SPPL2B: variants seen among roughly 807,000 people sequenced by gnomAD.
SPPL2B encodes the protein signal peptide peptidase-like 2B.
A neutral mutation model predicts 59.7 loss-of-function variants in SPPL2B; 39 were observed. The observed-to-expected ratio is 0.65, with a 90% CI of 0.51 to 0.85. The LOEUF (loss-of-function observed/expected upper bound fraction) is 0.85, where lower values mean the gene tolerates loss of function less well. Ranked by LOEUF, SPPL2B falls within the 40% of genes least tolerant of loss-of-function variation. The probability of loss-of-function intolerance (pLI) is 0.00; values close to 1 mark genes in which losing one functional copy is unlikely to be tolerated. For synonymous variants in SPPL2B, 419 were observed against 370.8 expected (o/e 1.13, Z -1.49); for missense variants, 865 against 849.0 (o/e 1.02, Z -0.23).
Position 2,352,958 on chromosome 19 carries a change from C to G in SPPL2B, c.1528C>G (p.Pro510Ala). The G allele has an allele frequency of 1.9e-6, 3 of 1,612,208 alleles. No homozygotes were observed. Among genetic ancestry groups the G allele is most frequent in the Non-Finnish European group, 2.5e-6 (3 of 1,179,708 alleles). Residue 510 changes from proline to alanine, a missense_variant, in exon 15 of 15, where the codon CCA becomes GCA. By Grantham distance (27) the Pro-to-Ala change is conservative (BLOSUM62 -1). Coordinates refer to ENST00000613503, the MANE Select transcript of SPPL2B (RefSeq NM_152988.3). ...TGSGFAKVLPPSPWAPAPADG... is the reference protein window; with the variant it reads ...TGSGFAKVLPASPWAPAPADG... ...CCTTCTCCTGTAGAAAGTCCTACCT[C>G]CATCTCCGTGGGCCCCAGCACCAGC...
chr19:2,350,216 G>A (rs1419362683), intron 13 of SPPL2B, among the ~76,000 whole-genome samples: 2 of 80,634 alleles, frequency 2.5e-5, no homozygotes, highest in African/African-American at 1.0e-4. Flanking sequence ...TGCTCTCATT[G>A]GCTTGATTCC....
intron 13 of SPPL2B, among the ~76,000 whole-genome samples, chr19:2,351,225 G>T (rs1420566646): frequency 6.6e-6 from 1 of 152,140 alleles, no homozygotes; most frequent in African/African-American, 2.4e-5. Flanking sequence ...CTCCGGTAGG[G>T]TCAGGGTGGG....
intron 8 of SPPL2B, 53 bp downstream of exon 8, chr19:2,341,067 C>CCG: frequency 7.7e-7 from 1 of 1,299,332 alleles, no homozygotes; most frequent in Non-Finnish European, 1.1e-6. Context: ...TCGGGTGCAC[C>CCG]AGGGCTCCTG....
intron 13 of SPPL2B, 61 bp downstream of exon 13, chr19:2,345,391 C>A: frequency 6.9e-7 from 1 of 1,454,874 alleles, no homozygotes; most frequent in Non-Finnish European, 9.6e-7. Flanking sequence ...CCGACTTAGC[C>A]TCTGTCCTGA....
At position 2,344,405 on chromosome 19, in the gene SPPL2B, A is replaced by C. The variant is rs1469101638; in HGVS notation, c.1157A>C (p.Asp386Ala). Reference protein sequence around the residue: ...IMVEVATGPSDSATREKLPMV... With the variant: ...IMVEVATGPSASATREKLPMV... Reference sequence around the variant, plus strand: ...GTGGAGGTGGCCACTGGGCCCTCGGACTCAGCCACCCGTGAGAAGGTGTGT... The same window carrying C: ...GTGGAGGTGGCCACTGGGCCCTCGGCCTCAGCCACCCGTGAGAAGGTGTGT... The change falls in exon 11 of 15, where the codon GAC becomes GCC. Residue 386 changes from aspartate to alanine, a missense_variant. Physicochemically the swap from Asp to Ala is moderately radical, Grantham distance 126. Coordinates refer to ENST00000613503, the MANE Select transcript of SPPL2B (RefSeq NM_152988.3). 5.3e-6 allele frequency: 8 copies of C among 1,500,628 alleles called. No homozygotes were observed. The highest frequency in any genetic ancestry group is 7.2e-6 in the Non-Finnish European group (8 of 1,116,442). The allele number at this position is 1,500,628 out of a possible 1,614,324, so 93.0% of individuals were successfully genotyped here.
At chr19:2,335,021 G>A (rs1469314383) in intron 2 of SPPL2B, among the ~76,000 whole-genome samples, 2 of 152,090 alleles carry the variant, frequency 1.3e-5, no homozygotes, top group Non-Finnish European at 2.9e-5. Context: ...CAGACAGAGG[G>A]GTCCTCAGAG....
chr19:2,340,578 G>C, intron 7 of SPPL2B: 1 of 543,146 alleles, frequency 1.8e-6, no homozygotes, highest in Non-Finnish European at 3.3e-6. Flanking sequence ...GGCTAGCCCA[G>C]GGGGAGACCT....
intron 1 of SPPL2B, among the ~76,000 whole-genome samples, chr19:2,334,047 C>T (rs1382917640): frequency 3.9e-5 from 6 of 152,206 alleles, no homozygotes; most frequent in East Asian, 3.9e-4. Context: ...GGATCCCCCT[C>T]GTCTGGGCCC....
intron 7 of SPPL2B, chr19:2,340,480 C>T (rs1033233164): frequency 3.3e-6 from 2 of 610,832 alleles, no homozygotes; most frequent in South Asian, 1.6e-5. Context: ...AGAAGGTTCC[C>T]CACAGCCCAG....
chr19:2,352,940 C>T lies in SPPL2B; in HGVS notation c.1516-6C>T. 2 of 1,612,142 alleles carry T rather than the reference C, an allele frequency of 1.2e-6. No individual in the cohort carries two copies. The highest frequency in any genetic ancestry group is 1.7e-6 in the Non-Finnish European group (2 of 1,179,662). On this transcript the variant is annotated splice_polypyrimidine_tract_variant and splice_region_variant and intron_variant, in intron 14 of 14. Transcript: ENST00000613503. ...CCGCCTCACCTCTGCCTCCCTTCTCCTGTAGAAAGTCCTACCTCCATCTCC... is the reference window on the plus strand; with the variant it reads ...CCGCCTCACCTCTGCCTCCCTTCTCTTGTAGAAAGTCCTACCTCCATCTCC...
chr19:2,339,637 G>C (rs1424409542), intron 5 of SPPL2B, 187 bp from the exon 6 acceptor site: 1 of 667,702 alleles, frequency 1.5e-6, no homozygotes, highest in East Asian at 2.7e-5. Context: ...CGCGGGCCCT[G>C]CCACCCTCTG....
chr19:2,351,495 C>T lies in SPPL2B; in HGVS notation c.1416C>T (p.Pro472=), dbSNP rs773071515. 36 of 1,610,432 alleles carry T rather than the reference C, an allele frequency of 2.2e-5. No homozygotes were observed. The highest frequency in any genetic ancestry group is 2.7e-5 in the African/African-American group (2 of 74,938). Reference sequence around the variant, plus strand: ...TGGCCCTGATGCAGCGTGGCCAGCCCGCTCTCCTCTACCTGGTGCCCTGCA... The same window carrying T: ...TGGCCCTGATGCAGCGTGGCCAGCCTGCTCTCCTCTACCTGGTGCCCTGCA... ...VALALMQRGQ[P]ALLYLVPCTL... Residue 472 remains proline, a synonymous_variant, in exon 14 of 15, where the codon CCC becomes CCT. Transcript: ENST00000613503.
At position 2,340,447 on chromosome 19, in the gene SPPL2B, C is replaced by A. The variant is rs554393862; in HGVS notation, c.839+275C>A. 6.0e-5 allele frequency: 38 copies of A among 630,422 alleles called. No homozygotes were observed. The East Asian group carries it at 9.4e-4, about 16-fold the overall frequency. 39.1% of individuals were successfully genotyped at this position (630,422 alleles called of 1,614,324 possible). On this transcript the variant is annotated intron_variant, in intron 7 of 14. Coordinates refer to ENST00000613503, the MANE Select transcript of SPPL2B (RefSeq NM_152988.3). ...CAGGTCGCAGGCCGAACCCTGGGTTCCCCAGGGTTCTCCGGGGAACCCAGA... is the reference window on the plus strand; with the variant it reads ...CAGGTCGCAGGCCGAACCCTGGGTTACCCAGGGTTCTCCGGGGAACCCAGA...
chr19:2,346,134 G>A (rs774507678), intron 13 of SPPL2B, among the ~76,000 whole-genome samples: 8 of 152,180 alleles, frequency 5.3e-5, no homozygotes, highest in Non-Finnish European at 1.2e-4. Flanking sequence ...GTCCCCCACC[G>A]CAGCTGGCCC....
chr19:2,329,662 G>A (rs1307171947), intron 1 of SPPL2B, among the ~76,000 whole-genome samples: 1 of 152,078 alleles, frequency 6.6e-6, no homozygotes, highest in African/African-American at 2.4e-5. Flanking sequence ...TGGCTCCTCA[G>A]TCTCCACTCC....
intron 13 of SPPL2B, among the ~76,000 whole-genome samples, chr19:2,346,271 G>A (rs1319991336): frequency 1.3e-5 from 2 of 152,250 alleles, no homozygotes; most frequent in African/African-American, 4.8e-5. Flanking sequence ...AGGGCCAGGA[G>A]AGTTCAGGCC....
Position 2,344,555 on chromosome 19 carries a change from G to A in SPPL2B, c.1179G>A (p.Leu393=). Residue 393 remains leucine (L), a splice_region_variant and synonymous_variant, in exon 12 of 15, where the codon CTG becomes CTA. Coordinates refer to ENST00000613503, the MANE Select transcript of SPPL2B (RefSeq NM_152988.3). Reference sequence around the variant, plus strand: ...TTGTCCTCTTCCCGTCTTTGCAGCTGCCCATGGTCCTGAAGGTGCCCAGGC... The same window carrying A: ...TTGTCCTCTTCCCGTCTTTGCAGCTACCCATGGTCCTGAAGGTGCCCAGGC... ...GPSDSATREK[L]PMVLKVPRLN... The A allele has an allele frequency of 6.2e-7, 1 of 1,612,126 alleles. No homozygotes were observed. The highest frequency in any genetic ancestry group is 1.1e-5 in the South Asian group (1 of 90,920).
At position 2,334,591 on chromosome 19, in the gene SPPL2B, T is replaced by C; in HGVS notation, c.67-11T>C. ...CGTGCTGTGGCTCTGACTGCTGGCC[T>C]TGTCCTGCAGGTGGCCTGTGAGTAC... On this transcript the variant is annotated splice_polypyrimidine_tract_variant and intron_variant, in intron 1 of 14. Transcript: ENST00000613503. The C allele has an allele frequency of 6.2e-7, 1 of 1,606,162 alleles. No individual in the cohort carries two copies. The highest frequency in any genetic ancestry group is 8.5e-7 in the Non-Finnish European group (1 of 1,176,798).
chr19:2,338,800 G>T lies in SPPL2B; in HGVS notation c.418G>T (p.Val140Leu), dbSNP rs776560984. The change falls in exon 4 of 15, where the codon GTG (valine) becomes TTG (leucine). Residue 140 changes from valine to leucine, a missense_variant. Transcript: ENST00000613503. Reference protein sequence around the residue: ...KTQYDEIGIPVALLSYKDMLD... With the variant: ...KTQYDEIGIPLALLSYKDMLD... The stretch of plus-strand genomic sequence containing the variant: ...GCAGTATGATGAGATTGGCATTCCC[G>T]TGGCCCTGCTCAGCTACAAAGACAT... 3 of 1,613,512 alleles carry T rather than the reference G, an allele frequency of 1.9e-6. No homozygotes were observed. The highest frequency in any genetic ancestry group is 4.5e-5 in the East Asian group (2 of 44,886).
Sources: allele counts gnomAD v4.1 joint callset (sites outside exome capture counted in the v4.1 genomes callset), GRCh38; gene constraint gnomAD v4.1.1; transcripts MANE v1.5; gene names NCBI Gene and HGNC (gene_info 2026-07-23, HGNC 2026-07-21).